Variants in NPAS2 observed in about 807,000 individuals in gnomAD.
The protein encoded by NPAS2 is neuronal PAS domain protein 2.
A neutral mutation model predicts 107.5 loss-of-function variants in NPAS2; 23 were observed. The ratio of observed to expected loss-of-function variants is 0.21; its 90% CI spans 0.15 to 0.30. NPAS2 has a LOEUF of 0.30. NPAS2 is among the 10% of genes least tolerant of loss of function. The pLI, the probability that NPAS2 is intolerant of heterozygous loss-of-function variation, is 1.00. For missense variants in NPAS2, 756 were observed against 1,043.3 expected (o/e 0.72, Z 3.79); for synonymous variants, 403 against 417.5 (o/e 0.97, Z 0.42).
chr2:100,852,147 A>T (rs940807835), intron 1 of NPAS2, among the ~76,000 whole-genome samples: 9 of 152,282 alleles, frequency 5.9e-5, no homozygotes, highest in Non-Finnish European at 1.0e-4. Flanking sequence ...CTGTAATCCC[A>T]GCACTTTGGG....
In NPAS2 at chr2:100,932,906, C is replaced by T; in HGVS notation, c.182-4C>T. The T allele has an allele frequency of 6.2e-7, 1 of 1,610,348 alleles. No homozygotes were observed. The highest frequency in any genetic ancestry group is 8.5e-7 in the Non-Finnish European group (1 of 1,176,558). On this transcript the variant is annotated splice_polypyrimidine_tract_variant and splice_region_variant and intron_variant, in intron 3 of 20. Transcript: ENST00000335681. ...ATAAAGGCTTATTTGTGTCTCTTTT[C>T]TAGAAGTCTCAGCGCAAACGGAAAT... is the stretch of plus-strand genomic sequence containing the variant.
In NPAS2 at chr2:100,823,373, C is replaced by T. The variant is rs1161932066; in HGVS notation, c.-23+2959C>T. On this transcript the variant is annotated intron_variant, in intron 1 of 20. Coordinates refer to ENST00000335681, the MANE Select transcript of NPAS2 (RefSeq NM_002518.4). ...GCAAAGTCATTTCTTAGGTAAAGTT[C>T]CCCCAGAGACCACTTGAACTTTTGC... Among the ~76,000 whole-genome samples the T allele has an allele frequency of 5.9e-5, 9 of 152,204 alleles. No homozygotes were observed. In the East Asian group the frequency reaches 1.7e-3, roughly 29 times the overall value.
chr2:100,975,685 G>T (rs1676941577), intron 14 of NPAS2, 118 bp downstream of exon 14: 1 of 674,676 alleles, frequency 1.5e-6, no homozygotes, highest in Admixed American at 3.5e-5. Flanking sequence ...GATTGAGAGT[G>T]TAGGGTGGCA....
intron 7 of NPAS2, among the ~76,000 whole-genome samples, chr2:100,950,842 A>T (rs1201349284): frequency 1.3e-5 from 2 of 152,200 alleles, no homozygotes; most frequent in South Asian, 4.2e-4. Context: ...AGGCCTAACC[A>T]TGCCTCATCC....
At chr2:100,892,626 G>A (rs1194817060) in intron 1 of NPAS2, among the ~76,000 whole-genome samples, 3 of 152,222 alleles carry the variant, frequency 2.0e-5, no homozygotes, top group South Asian at 2.1e-4. Flanking sequence ...GCCAGAATGC[G>A]ATGAGAACTC....
intron 1 of NPAS2, among the ~76,000 whole-genome samples, chr2:100,880,316 T>C (rs951284543): frequency 6.6e-6 from 1 of 152,208 alleles, no homozygotes; most frequent in African/African-American, 2.4e-5. Context: ...CAGAAACTTA[T>C]GTTAACTTAT....
At position 100,886,000 on chromosome 2, in the gene NPAS2, T is replaced by A. The variant is rs12472277; in HGVS notation, c.-22-18733T>A. 6.2e-3 allele frequency among the ~76,000 whole-genome samples: 945 copies of A among 152,388 alleles called. 57 individuals are homozygous for A. In the East Asian group the frequency reaches 0.14, roughly 23 times the overall value. On this transcript the variant is annotated intron_variant, in intron 1 of 20. Coordinates refer to ENST00000335681, the MANE Select transcript of NPAS2 (RefSeq NM_002518.4). ...AACAGCATTTCACTTTCAATTTTGTTAAATTTGGCTAGACATGTAAAATCA... is the reference window on the plus strand; with the variant it reads ...AACAGCATTTCACTTTCAATTTTGTAAAATTTGGCTAGACATGTAAAATCA...
chr2:100,822,452 G>A (rs1676133314), intron 1 of NPAS2, among the ~76,000 whole-genome samples: 2 of 152,168 alleles, frequency 1.3e-5, no homozygotes, highest in South Asian at 2.1e-4. Flanking sequence ...AACCTGATGT[G>A]TGCCATGTTT....
intron 15 of NPAS2, among the ~76,000 whole-genome samples, chr2:100,980,534 A>G (rs1400778589): frequency 6.6e-6 from 1 of 151,924 alleles, no homozygotes; most frequent in Non-Finnish European, 1.5e-5. Context: ...CAGTTGTGCA[A>G]TCTCGGCTCA....
At chr2:100,953,973 G>T (rs1291766653) in intron 7 of NPAS2, among the ~76,000 whole-genome samples, 1 of 152,150 alleles carries the variant, frequency 6.6e-6, no homozygotes, top group Non-Finnish European at 1.5e-5. Context: ...TCATGCTCTC[G>T]GGTCCCTGGG....
intron 1 of NPAS2, among the ~76,000 whole-genome samples, chr2:100,828,042 A>G (rs1473366924): frequency 6.6e-6 from 1 of 152,108 alleles, no homozygotes; most frequent in East Asian, 1.9e-4. Flanking sequence ...TCAACAGTGC[A>G]TTAGTGTTCT....
chr2:100,952,299 G>A (rs1212368909), intron 7 of NPAS2, among the ~76,000 whole-genome samples: 2 of 152,130 alleles, frequency 1.3e-5, no homozygotes, highest in Non-Finnish European at 2.9e-5. Context: ...ATAGGATGCT[G>A]CTCCCTCTTG....
intron 1 of NPAS2, among the ~76,000 whole-genome samples, chr2:100,867,796 C>A (rs941435584): frequency 6.6e-6 from 1 of 152,144 alleles, no homozygotes; most frequent in African/African-American, 2.4e-5. Context: ...CCTCGTAGGT[C>A]TCCCAAAGTG....
chr2:100,926,373 A>T (rs903250014), intron 3 of NPAS2, among the ~76,000 whole-genome samples: 5 of 152,154 alleles, frequency 3.3e-5, no homozygotes, highest in African/African-American at 1.2e-4. Flanking sequence ...GGTGGCTTGT[A>T]CCTATTTATA....
At chr2:100,866,560 A>G (rs893831107) in intron 1 of NPAS2, among the ~76,000 whole-genome samples, 7 of 152,234 alleles carry the variant, frequency 4.6e-5, no homozygotes, top group Non-Finnish European at 1.0e-4. Flanking sequence ...TGGGATGATT[A>G]GGTCACTCAC....
intron 1 of NPAS2, among the ~76,000 whole-genome samples, chr2:100,892,462 AC>A (rs1485270536): frequency 3.9e-5 from 6 of 152,150 alleles, no homozygotes; most frequent in African/African-American, 1.4e-4. Context: ...TATGGTCACG[AC>A]GCTCATGAGA....
intron 16 of NPAS2, 63 bp from the exon 17 acceptor site, chr2:100,988,016 G>A: frequency 1.3e-6 from 2 of 1,545,144 alleles, no homozygotes; most frequent in Non-Finnish European, 1.8e-6. Flanking sequence ...GAATGCAAAG[G>A]AGGTGCACAC....
intron 1 of NPAS2, among the ~76,000 whole-genome samples, chr2:100,870,866 C>G (rs960489528): frequency 6.6e-6 from 1 of 152,200 alleles, no homozygotes; most frequent in Non-Finnish European, 1.5e-5. Flanking sequence ...GGTGAAGATT[C>G]CTGTGGGGAG....
chr2:100,856,775 C>T (rs1678598051), intron 1 of NPAS2, among the ~76,000 whole-genome samples: 1 of 152,104 alleles, frequency 6.6e-6, no homozygotes, highest in Non-Finnish European at 1.5e-5. Flanking sequence ...AAAGGAAGCA[C>T]CTGTGGTGCC....
Sources: allele counts gnomAD v4.1 joint callset (sites outside exome capture counted in the v4.1 genomes callset), GRCh38; gene constraint gnomAD v4.1.1; transcripts MANE v1.5; gene names NCBI Gene and HGNC (gene_info 2026-07-23, HGNC 2026-07-21).